STK39: variants seen among roughly 807,000 people sequenced by gnomAD.
The protein encoded by STK39 is serine/threonine kinase 39.
In STK39, 20 loss-of-function variants were observed where a neutral mutation model predicts 77.8. That is an observed-to-expected ratio of 0.26 (90% CI 0.18 to 0.37). The LOEUF is 0.37. STK39 is among the 10% of genes least tolerant of loss of function. STK39 has a pLI of 1.00. For missense variants in STK39, 479 were observed against 656.5 expected (o/e 0.73, Z 2.95); for synonymous variants, 246 against 234.1 (o/e 1.05, Z -0.47).
chr2:167,990,380 G>A (rs745598066), intron 16 of STK39, among the ~76,000 whole-genome samples: 110 of 152,198 alleles, frequency 7.2e-4, no homozygotes, highest in African/African-American at 2.5e-3. Flanking sequence ...GGTCTACAGT[G>A]TGCTGTACAA....
intron 16 of STK39, among the ~76,000 whole-genome samples, chr2:168,006,085 A>G (rs1684125434): frequency 6.6e-6 from 1 of 152,216 alleles, no homozygotes; most frequent in African/African-American, 2.4e-5. Flanking sequence ...ACTTAAAGGA[A>G]ACAGACATAT....
At position 168,161,800 on chromosome 2, in the gene STK39, T is replaced by G; in HGVS notation, c.615A>C (p.Ser205=). Residue 205 remains serine, a synonymous_variant, in exon 5 of 18, where the codon TCA becomes TCC. Coordinates refer to ENST00000355999, the MANE Select transcript of STK39 (RefSeq NM_013233.3). ...TATCAGCTTTACCTGCTATTTGTAC[T>G]GAACCATCCTCACCCAGAAGAATAT... ...AGNILLGEDG[S]VQIADFGVSA... is the part of the protein sequence containing the mutation. 1 of 1,609,236 alleles carries G rather than the reference T, an allele frequency of 6.2e-7. No homozygotes were observed. Among genetic ancestry groups the G allele is most frequent in the African/African-American group, 1.3e-5 (1 of 74,758 alleles).
At chr2:168,001,960 G>T (rs1231274391) in intron 16 of STK39, among the ~76,000 whole-genome samples, 1 of 152,224 alleles carries the variant, frequency 6.6e-6, no homozygotes. Context: ...AGTAGGGACT[G>T]ATCAGAAAGT....
chr2:168,086,432 C>CT (rs1226323898), intron 10 of STK39, among the ~76,000 whole-genome samples: 1 of 152,146 alleles, frequency 6.6e-6, no homozygotes, highest in Non-Finnish European at 1.5e-5. Context: ...AATATTGGAC[C>CT]TTTTAGTCAG....
At chr2:168,195,755 G>T (rs918548755) in intron 1 of STK39, among the ~76,000 whole-genome samples, 1 of 152,202 alleles carries the variant, frequency 6.6e-6, no homozygotes, top group South Asian at 2.1e-4. Context: ...GGTGGCTCAC[G>T]CCTGTAATCT....
At chr2:168,169,631 C>CGTGTGTGTGTGTGTGT (rs10611769) in intron 2 of STK39, among the ~76,000 whole-genome samples, 4,177 of 145,858 alleles carry the variant, frequency 0.029, 162 homozygotes, top group East Asian at 0.13. Flanking sequence ...TTGCAGTGAG[C>CGTGTGTGTGTGTGTGT]GTGTGTGTGT....
rs1685706730 is a variant in STK39, at chr2:168,063,206, GA to G, written c.1376+293del. ...TGTGATCTTACATTGTAAAAAAAAA[GA>G]AAAAGGAAAAGAAAAAAAAATCTAA... On this transcript the variant is annotated intron_variant, in intron 14 of 17. Transcript: ENST00000355999. Among the ~76,000 whole-genome samples, 3 of 146,750 alleles carry G rather than the reference GA, an allele frequency of 2.0e-5. No homozygotes were observed. The South Asian group carries it at 6.4e-4, about 32-fold the overall frequency.
chr2:168,096,820 A>C (rs2105443303), intron 10 of STK39, among the ~76,000 whole-genome samples: 1 of 152,328 alleles, frequency 6.6e-6, no homozygotes, highest in South Asian at 2.1e-4. Flanking sequence ...TGTCTGAGTT[A>C]AAGATAAACT....
At chr2:168,159,239 G>C (rs1228441160) in intron 5 of STK39, among the ~76,000 whole-genome samples, 4 of 152,072 alleles carry the variant, frequency 2.6e-5, no homozygotes, top group Non-Finnish European at 5.9e-5. Flanking sequence ...GGGCCTCAGA[G>C]GCATAAAGAT....
At chr2:167,992,322 G>A (rs1484797446) in intron 16 of STK39, among the ~76,000 whole-genome samples, 2 of 148,688 alleles carry the variant, frequency 1.3e-5, no homozygotes, top group African/African-American at 5.0e-5. Context: ...CCCCCAACCT[G>A]CCCCCCAACA....
intron 1 of STK39, among the ~76,000 whole-genome samples, chr2:168,202,989 C>T (rs1171318745): frequency 2.6e-5 from 4 of 152,156 alleles, no homozygotes; most frequent in Admixed American, 6.5e-5. Context: ...CAACAGAGCA[C>T]CTCTATCAGT....
intron 14 of STK39, among the ~76,000 whole-genome samples, chr2:168,038,368 A>G (rs1439918986): frequency 1.3e-5 from 2 of 152,094 alleles, no homozygotes; most frequent in Non-Finnish European, 2.9e-5. Context: ...GGAAACAAAA[A>G]AACACTGACC....
chr2:168,080,105 A>C (rs551702246), intron 10 of STK39, among the ~76,000 whole-genome samples: 1 of 152,214 alleles, frequency 6.6e-6, no homozygotes, highest in South Asian at 2.1e-4. Flanking sequence ...AAGTCCATCC[A>C]ATGGAGCAAA....
chr2:168,238,622 T>C (rs1180286307), intron 1 of STK39, among the ~76,000 whole-genome samples: 1 of 152,248 alleles, frequency 6.6e-6, no homozygotes, highest in Non-Finnish European at 1.5e-5. Flanking sequence ...CTCAAATAAC[T>C]GTTTGGCAAG....
At chr2:168,051,189 A>G (rs969698364) in intron 14 of STK39, among the ~76,000 whole-genome samples, 1 of 152,202 alleles carries the variant, frequency 6.6e-6, no homozygotes, top group South Asian at 2.1e-4. Context: ...AACCTTCCCT[A>G]ATAAAACTGG....
chr2:168,219,286 C>CAA (rs113656169), intron 1 of STK39, among the ~76,000 whole-genome samples: 2 of 134,074 alleles, frequency 1.5e-5, no homozygotes, highest in East Asian at 4.3e-4. Flanking sequence ...ACTCTTGTTT[C>CAA]AAAAAAAAAA....
At chr2:168,113,511 G>T (rs990825557) in intron 10 of STK39, among the ~76,000 whole-genome samples, 1 of 152,230 alleles carries the variant, frequency 6.6e-6, no homozygotes, top group Non-Finnish European at 1.5e-5. Flanking sequence ...ATAAATGACA[G>T]TGAGGTGGGC....
At chr2:168,063,650 T>C (rs1000255783) in intron 13 of STK39, 80 bp from the exon 14 acceptor site, 14 of 1,321,200 alleles carry the variant, frequency 1.1e-5, no homozygotes, top group Non-Finnish European at 1.4e-5. Flanking sequence ...ACTTGATTCA[T>C]ATAGCCATTT....
intron 10 of STK39, among the ~76,000 whole-genome samples, chr2:168,088,265 T>C (rs1686423684): frequency 6.6e-6 from 1 of 152,220 alleles, no homozygotes; most frequent in African/African-American, 2.4e-5. Context: ...ATAAAAATTA[T>C]TACTAACTGC....
Sources: allele counts gnomAD v4.1 joint callset (sites outside exome capture counted in the v4.1 genomes callset), GRCh38; gene constraint gnomAD v4.1.1; transcripts MANE v1.5; gene names NCBI Gene and HGNC (gene_info 2026-07-23, HGNC 2026-07-21).